The following EIF2AK3 variants were observed in gnomAD, a reference collection of about 807,000 sequenced individuals.
EIF2AK3 encodes the protein eukaryotic translation initiation factor 2 alpha kinase 3, also known as eukaryotic translation initiation factor 2-alpha kinase 3.
EIF2AK3 carries 50 observed loss-of-function variants against 113.5 expected under a neutral mutation model. The ratio of observed to expected loss-of-function variants is 0.44; its 90% confidence interval spans 0.35 to 0.56. The LOEUF is 0.56. Ranked by LOEUF, EIF2AK3 falls within the 20% of genes least tolerant of loss-of-function variation. EIF2AK3 has a pLI of 0.00. For synonymous variants in EIF2AK3, 448 were observed against 495.4 expected, an observed-to-expected ratio of 0.90 and a Z score of 1.27; for missense variants, 1,185 against 1,378.0, an observed-to-expected ratio of 0.86 and a Z score of 2.22.
chr2:88,606,356 G>A (rs970876648), intron 2 of EIF2AK3, among the ~76,000 whole-genome samples: 6 of 151,870 alleles, frequency 4.0e-5, no homozygotes, highest in African/African-American at 1.5e-4. Flanking sequence ...CTCCTTTGGT[G>A]ACATGCAATG....
At chr2:88,564,133 G>A (rs913403963) in intron 14 of EIF2AK3, among the ~76,000 whole-genome samples, 16 of 152,070 alleles carry the variant, frequency 1.1e-4, no homozygotes, top group Non-Finnish European at 1.6e-4. Context: ...TTGTTTAATC[G>A]CTGTGTGCAA....
intron 13 of EIF2AK3, among the ~76,000 whole-genome samples, chr2:88,571,374 T>G (rs373598611): frequency 6.6e-6 from 1 of 152,334 alleles, no homozygotes; most frequent in South Asian, 2.1e-4. Context: ...TCTACACTTA[T>G]GACTTAAAGC....
rs549753326 is a variant in EIF2AK3 at position 88,603,334 on chromosome 2, CACTG to C, written c.439-7675_439-7672del. Among the ~76,000 whole-genome samples, 5 of 152,330 alleles carry C rather than the reference CACTG, an allele frequency of 3.3e-5. No homozygotes were observed. In the East Asian group the frequency reaches 5.8e-4, roughly 18 times the overall value. ...AAGGGATTCCTTTTTGGTCTTCAACCACTGACTAATGCTTTTATCACTTTGGGCA... is the reference window on the plus strand; with the variant it reads ...AAGGGATTCCTTTTTGGTCTTCAACCACTAATGCTTTTATCACTTTGGGCA... On this transcript the variant is annotated intron_variant, in intron 2 of 16. Coordinates refer to ENST00000303236, the MANE Select transcript of EIF2AK3 (RefSeq NM_004836.7).
chr2:88,589,291 A>G (rs978853445), intron 6 of EIF2AK3, among the ~76,000 whole-genome samples: 1 of 152,234 alleles, frequency 6.6e-6, no homozygotes, highest in African/African-American at 2.4e-5. Context: ...AAATACTATC[A>G]TAACACAAAT....
intron 15 of EIF2AK3, among the ~76,000 whole-genome samples, chr2:88,562,024 TACTG>T (rs1233646845): frequency 2.0e-5 from 3 of 152,210 alleles, no homozygotes; most frequent in Non-Finnish European, 2.9e-5. Flanking sequence ...ATAACAAACT[TACTG>T]AGTGCAAAAC....
Position 88,579,535 on chromosome 2 carries a change from C to G in EIF2AK3, c.1869G>C (p.Arg623Ser). The G allele has an allele frequency of 6.2e-7, 1 of 1,613,796 alleles. No homozygotes were observed. ...KVDDCNYAIKRIRLPNRELAR... is the reference protein window; with the variant it reads ...KVDDCNYAIKSIRLPNRELAR... ...CCCATTACCTATTGGGGAGACGGAT[C>G]CTCTTGATAGCATAATTGCAGTCAT... is the stretch of plus-strand genomic sequence containing the variant. The change falls in exon 11 of 17, where the codon AGG becomes AGC. Residue 623 changes from arginine (R) to serine (S), a missense_variant. By Grantham distance (110) the Arg-to-Ser change is moderately radical. Coordinates refer to ENST00000303236, the MANE Select transcript of EIF2AK3 (RefSeq NM_004836.7).
At chr2:88,587,738 A>C (rs1034841347) in intron 8 of EIF2AK3, among the ~76,000 whole-genome samples, 1 of 152,172 alleles carries the variant, frequency 6.6e-6, no homozygotes, top group Non-Finnish European at 1.5e-5. Context: ...TAGGATTATT[A>C]TTCTAATTTT....
At chr2:88,571,704 A>G (rs1674314381) in intron 13 of EIF2AK3, among the ~76,000 whole-genome samples, 1 of 152,204 alleles carries the variant, frequency 6.6e-6, no homozygotes, top group Non-Finnish European at 1.5e-5. Flanking sequence ...TGGTGAATGA[A>G]TGAAACAGAC....
rs142489016 is a variant in EIF2AK3, at chr2:88,566,609, T to C, written c.2986-4219A>G. Reference sequence around the variant, plus strand: ...GTGCCATGGTGGTTTGCTGCACTTATCAACCCATCATCTATTGACCTGATA... The same window carrying C: ...GTGCCATGGTGGTTTGCTGCACTTACCAACCCATCATCTATTGACCTGATA... On this transcript the variant is annotated intron_variant, in intron 14 of 16. Coordinates refer to ENST00000303236, the MANE Select transcript of EIF2AK3 (RefSeq NM_004836.7). Among the ~76,000 whole-genome samples the C allele has an allele frequency of 2.0e-3, 304 of 152,314 alleles. 10 individuals are homozygous for C. The East Asian group carries it at 0.05, about 25-fold the overall frequency.
rs1464794671 is a variant in EIF2AK3, at chr2:88,588,635, G to T, written c.1306+126C>A. The T allele has an allele frequency of 1.6e-5, 15 of 963,184 alleles. No individual in the cohort carries two copies. The East Asian group carries it at 2.1e-4, about 14-fold the overall frequency. 59.7% of individuals were successfully genotyped at this position (963,184 alleles called of 1,614,324 possible). A position where few individuals can be genotyped will look rare whatever the true frequency, so the allele number is the denominator to read the frequency against. The stretch of plus-strand genomic sequence containing the variant: ...TATTAACATCTGAAATACCATCATG[G>T]TTTATCAATAAAATATAAAGTATAT... On this transcript the variant is annotated intron_variant, in intron 7 of 16. Transcript: ENST00000303236.
chr2:88,617,311 T>C (rs1675610260), intron 1 of EIF2AK3, among the ~76,000 whole-genome samples: 1 of 152,044 alleles, frequency 6.6e-6, no homozygotes, highest in African/African-American at 2.4e-5. Context: ...TATGCAGCCA[T>C]AAAAAGATGA....
chr2:88,567,788 C>T (rs1029639378), intron 14 of EIF2AK3, among the ~76,000 whole-genome samples: 7 of 152,224 alleles, frequency 4.6e-5, no homozygotes, highest in African/African-American at 1.7e-4. Flanking sequence ...TACTTCCCCT[C>T]TGCCACTGCC....
intron 14 of EIF2AK3, among the ~76,000 whole-genome samples, chr2:88,568,417 C>G (rs1022270140): frequency 1.3e-5 from 2 of 152,224 alleles, no homozygotes; most frequent in Non-Finnish European, 2.9e-5. Context: ...TTACATTCTT[C>G]AGCACCACGT....
chr2:88,587,901 T>A, intron 8 of EIF2AK3, 81 bp downstream of exon 8: 1 of 982,576 alleles, frequency 1.0e-6, no homozygotes, highest in Non-Finnish European at 1.5e-6. Flanking sequence ...TTGTCTATAC[T>A]CTAATCGACT....
In EIF2AK3 at chr2:88,593,259, T is replaced by C. The variant is rs1674929394; in HGVS notation, c.767+13A>G. On this transcript the variant is annotated intron_variant, in intron 4 of 16. Coordinates refer to ENST00000303236, the MANE Select transcript of EIF2AK3 (RefSeq NM_004836.7). ...CTAAATAATACCAACAGCAACATTA[T>C]CTGAATACACACTTCTCATTGCCAC... is the stretch of plus-strand genomic sequence containing the variant. The C allele has an allele frequency of 6.2e-7, 1 of 1,614,036 alleles. No homozygotes were observed. Among genetic ancestry groups the C allele is most frequent in the Non-Finnish European group, 8.5e-7 (1 of 1,179,940 alleles).
chr2:88,573,731 T>C (rs1674378036), intron 13 of EIF2AK3, among the ~76,000 whole-genome samples: 1 of 152,156 alleles, frequency 6.6e-6, no homozygotes, highest in Non-Finnish European at 1.5e-5. Context: ...ACCCAAGAAT[T>C]TGAAAACCTA....
chr2:88,566,336 A>G (rs1355756852), intron 14 of EIF2AK3, among the ~76,000 whole-genome samples: 12 of 152,028 alleles, frequency 7.9e-5, no homozygotes, highest in African/African-American at 2.7e-4. Context: ...TTCTTTTAAG[A>G]TGGGGTCTAT....
intron 2 of EIF2AK3, among the ~76,000 whole-genome samples, chr2:88,610,891 CA>C (rs932718450): frequency 2.7e-5 from 4 of 146,028 alleles, no homozygotes; most frequent in South Asian, 2.2e-4. Context: ...TCTGTCTCCA[CA>C]AAAAAAAAAG....
chr2:88,607,755 G>A (rs1364206161), intron 2 of EIF2AK3, among the ~76,000 whole-genome samples: 1 of 152,278 alleles, frequency 6.6e-6, no homozygotes, highest in Non-Finnish European at 1.5e-5. Flanking sequence ...GTACCTAATG[G>A]TAATTCCTAG....
Sources: gnomAD v4.1 joint callset for allele counts (sites outside exome capture counted in the v4.1 genomes callset) on GRCh38, gnomAD v4.1.1 for gene constraint, MANE v1.5 for transcripts, NCBI Gene and HGNC (gene_info 2026-07-23, HGNC 2026-07-21) for gene names.